The following COL4A6 variants were observed in gnomAD, a reference collection of about 807,000 sequenced individuals.
COL4A6 encodes the protein collagen alpha-6(IV) chain.
A neutral mutation model predicts 126.7 loss-of-function variants in COL4A6; 59 were observed. That is an observed-to-expected ratio of 0.47 (90% CI 0.38 to 0.58). The LOEUF is 0.58. Ranked by LOEUF, COL4A6 falls within the 20% of genes least tolerant of loss-of-function variation. The pLI is 0.00. For synonymous variants in COL4A6, 547 were observed against 496.6 expected, an observed-to-expected ratio of 1.10 and a Z score of -1.35; for missense variants, 1,285 against 1,337.3, an observed-to-expected ratio of 0.96 and a Z score of 0.61.
At position 108,171,444 on chromosome X, in the gene COL4A6, C is replaced by G. The variant is rs762759347; in HGVS notation, c.3220G>C (p.Val1074Leu). Residue 1074 changes from valine (V) to leucine (L), a missense_variant, in exon 33 of 45, where the codon GTT becomes CTT. Physicochemically the swap from Val to Leu is conservative, Grantham distance 32 (BLOSUM62 1). Coordinates refer to ENST00000334504, the MANE Select transcript of COL4A6 (RefSeq NM_033641.4). ...GGTCCTGGGCTACCGGAAATTTCAACTGTCTGGCCGTTGTCTCCTGAGGAT... is the reference window on the plus strand; with the variant it reads ...GGTCCTGGGCTACCGGAAATTTCAAGTGTCTGGCCGTTGTCTCCTGAGGAT... ...PGLKGDNGQTVEISGSPGPKG... is the reference protein window; with the variant it reads ...PGLKGDNGQTLEISGSPGPKG... 3 of 1,208,913 alleles carry G rather than the reference C, an allele frequency of 2.5e-6. No individual in the cohort carries two copies. In the African/African-American group the frequency reaches 5.2e-5, roughly 21 times the overall value.
chrX:108,265,906 G>A (rs1374632784), intron 3 of COL4A6, among the ~76,000 whole-genome samples: 1 of 110,587 alleles, frequency 9.0e-6, no homozygotes, highest in African/African-American at 3.3e-5. Context: ...ATGTCAAAAT[G>A]CAGATGACAT....
chrX:108,358,678 A>C (rs1229551065), intron 2 of COL4A6, among the ~76,000 whole-genome samples: 1 of 112,231 alleles, frequency 8.9e-6, no homozygotes, highest in African/African-American at 3.2e-5. Context: ...TATAGGCGTG[A>C]GCCACCGTGC....
intron 3 of COL4A6, among the ~76,000 whole-genome samples, chrX:108,259,846 G>T (rs1464207353): frequency 9.0e-6 from 1 of 111,243 alleles, no homozygotes; most frequent in East Asian, 2.8e-4. Flanking sequence ...AACTCAGCAG[G>T]AAAGAATGCC....
chrX:108,260,805 T>C (rs1456366449), intron 3 of COL4A6, among the ~76,000 whole-genome samples: 1 of 109,508 alleles, frequency 9.1e-6, no homozygotes, highest in Non-Finnish European at 1.9e-5. Context: ...CCTATGGTGA[T>C]ACTGTTTTCC....
intron 13 of COL4A6, among the ~76,000 whole-genome samples, chrX:108,202,082 A>G (rs1282530955): frequency 3.6e-5 from 4 of 111,058 alleles, no homozygotes; most frequent in Non-Finnish European, 7.5e-5. Context: ...CTCAGCCTTA[A>G]ACCCTCTTTC....
intron 2 of COL4A6, among the ~76,000 whole-genome samples, chrX:108,417,897 A>C (rs2148260994): frequency 8.9e-6 from 1 of 112,305 alleles, no homozygotes; most frequent in African/African-American, 3.2e-5. Flanking sequence ...ACACTGACAT[A>C]AGAAAGTTAA....
intron 3 of COL4A6, among the ~76,000 whole-genome samples, chrX:108,259,171 G>C (rs2037089018): frequency 9.0e-6 from 1 of 110,783 alleles, no homozygotes; most frequent in African/African-American, 3.3e-5. Flanking sequence ...AGCAGACCCT[G>C]ATAAGCAGCT....
intron 2 of COL4A6, chrX:108,384,128 C>T (rs1345549648): frequency 7.7e-6 from 2 of 260,088 alleles, no homozygotes; most frequent in East Asian, 7.7e-5. Context: ...TTTCTCTACC[C>T]ATTTATCCAT....
intron 3 of COL4A6, among the ~76,000 whole-genome samples, chrX:108,262,508 T>G (rs1210975757): frequency 9.0e-6 from 1 of 111,370 alleles, no homozygotes; most frequent in African/African-American, 3.3e-5. Flanking sequence ...TGGTGGAAAT[T>G]CAAGCATAAG....
At chrX:108,198,157 ACT>A (rs1354148458) in intron 13 of COL4A6, among the ~76,000 whole-genome samples, 3 of 110,658 alleles carry the variant, frequency 2.7e-5, no homozygotes, top group Non-Finnish European at 5.7e-5. Context: ...CCTATATTAC[ACT>A]CTCTTTTATC....
At chrX:108,176,155 T>C (rs1375546123) in intron 28 of COL4A6, among the ~76,000 whole-genome samples, 1 of 109,230 alleles carries the variant, frequency 9.2e-6, no homozygotes, top group Non-Finnish European at 1.9e-5. Flanking sequence ...CAAAACCCCA[T>C]CTCTACTAAA....
chrX:108,384,980 C>T (rs746239274), intron 2 of COL4A6, among the ~76,000 whole-genome samples: 1 of 111,299 alleles, frequency 9.0e-6, no homozygotes, highest in South Asian at 3.9e-4. Context: ...CATGCCATCA[C>T]TTTGTATGCA....
chrX:108,305,869 G>A (rs1569417808), intron 3 of COL4A6, among the ~76,000 whole-genome samples: 1 of 112,034 alleles, frequency 8.9e-6, no homozygotes, highest in South Asian at 3.8e-4. Flanking sequence ...ATGGAGTTCT[G>A]TATAGACATG....
chrX:108,237,898 CTATCTATCTATG>C (rs1197492248), intron 3 of COL4A6, among the ~76,000 whole-genome samples: 10 of 105,695 alleles, frequency 9.5e-5, no homozygotes, highest in South Asian at 8.6e-4. Flanking sequence ...ATCTATCTAT[CTATCTATCTATG>C]TATCATTTAT....
intron 2 of COL4A6, among the ~76,000 whole-genome samples, chrX:108,312,998 G>A (rs1028059992): frequency 3.6e-5 from 4 of 112,065 alleles, no homozygotes; most frequent in Non-Finnish European, 7.5e-5. Flanking sequence ...TTAGGAACTC[G>A]CCAGAACAAG....
Position 108,159,520 on chromosome X carries a change from G to A in COL4A6, c.4754C>T (p.Thr1585Ile). ...QAIAVHSQDI[T>I]IPQCPLGWRS... ...CCAGCCCAGGGGGCACTGCGGGATG[G>A]TGATGTCCTGGCTGTGCACAGCAAT... is the stretch of plus-strand genomic sequence containing the variant. The change falls in exon 44 of 45, where the codon ACC (threonine) becomes ATC (isoleucine). Residue 1585 changes from threonine (T) to isoleucine (I), a missense_variant. Physicochemically the swap from Thr to Ile is moderately conservative, Grantham distance 89. Transcript: ENST00000334504. The A allele has an allele frequency of 8.2e-7, 1 of 1,212,329 alleles. No homozygotes were observed. Among genetic ancestry groups the A allele is most frequent in the Non-Finnish European group, 1.1e-6 (1 of 895,635 alleles).
At chrX:108,229,514 T>C (rs1288730094) in intron 3 of COL4A6, among the ~76,000 whole-genome samples, 2 of 111,752 alleles carry the variant, frequency 1.8e-5, no homozygotes, top group Admixed American at 9.5e-5. Flanking sequence ...GCCGGCTGGG[T>C]CTAAAAATCT....
chrX:108,171,572 G>A (rs2034305632), intron 32 of COL4A6, 111 bp from the exon 33 acceptor site: 2 of 596,531 alleles, frequency 3.4e-6, no homozygotes, highest in Admixed American at 3.7e-5. Flanking sequence ...AGCCAGAGGA[G>A]CTCCTTGACA....
intron 2 of COL4A6, 30 bp from the exon 3 acceptor site, chrX:108,310,858 C>T (rs2038744159): frequency 9.9e-6 from 11 of 1,106,135 alleles, no homozygotes; most frequent in Admixed American, 2.3e-5. Context: ...GTTAATAAAC[C>T]ATGTGAACCA....
Sources: gnomAD v4.1 joint callset for allele counts (sites outside exome capture counted in the v4.1 genomes callset) on GRCh38, gnomAD v4.1.1 for gene constraint, MANE v1.5 for transcripts, NCBI Gene and HGNC (gene_info 2026-07-23, HGNC 2026-07-21) for gene names.